CTNNA3: variants seen among roughly 807,000 people sequenced by gnomAD.
CTNNA3 encodes the protein catenin alpha-3.
A neutral mutation model predicts 95.7 loss-of-function variants in CTNNA3; 76 were observed. The observed-to-expected ratio is 0.79, with a 90% confidence interval of 0.66 to 0.96. The LOEUF (loss-of-function observed/expected upper bound fraction) is 0.96, where lower values mean the gene tolerates loss of function less well. Among genes scored for constraint, CTNNA3 ranks in the 40% least tolerant of loss-of-function variants. The pLI, the probability that CTNNA3 is intolerant of heterozygous loss-of-function variation, is 0.00. For missense variants in CTNNA3, 1,191 were observed against 1,089.8 expected, an observed-to-expected ratio of 1.09 and a Z score of -1.31; for synonymous variants, 431 against 374.4, an observed-to-expected ratio of 1.15 and a Z score of -1.74.
chr10:67,448,405 C>A (rs1415257084), intron 5 of CTNNA3, among the ~76,000 whole-genome samples: 2 of 151,612 alleles, frequency 1.3e-5, no homozygotes, highest in Non-Finnish European at 2.9e-5. Context: ...TAAGATAATT[C>A]TAAAAAGAAA....
chr10:66,106,769 C>A (rs1482243754), intron 13 of CTNNA3, among the ~76,000 whole-genome samples: 1 of 152,028 alleles, frequency 6.6e-6, no homozygotes, highest in Non-Finnish European at 1.5e-5. Context: ...ATTTTAATCA[C>A]CTTTATTCCA....
At chr10:66,935,788 C>T (rs1847663443) in intron 7 of CTNNA3, among the ~76,000 whole-genome samples, 1 of 148,044 alleles carries the variant, frequency 6.8e-6, no homozygotes, top group Non-Finnish European at 1.5e-5. Context: ...AGATAGTTTT[C>T]CTTAAAATAT....
chr10:67,712,868 G>A (rs770485723), intron 1 of CTNNA3, among the ~76,000 whole-genome samples: 1 of 152,096 alleles, frequency 6.6e-6, no homozygotes, highest in Non-Finnish European at 1.5e-5. Context: ...CAGGACATAG[G>A]CATGAGCAAA....
intron 1 of CTNNA3, among the ~76,000 whole-genome samples, chr10:67,675,366 G>A (rs1298567977): frequency 6.6e-6 from 1 of 152,128 alleles, no homozygotes; most frequent in Non-Finnish European, 1.5e-5. Context: ...CTAAAGATTG[G>A]CTAATTCAGA....
chr10:67,427,128 A>AT (rs1469619430), intron 5 of CTNNA3, among the ~76,000 whole-genome samples: 2 of 152,020 alleles, frequency 1.3e-5, no homozygotes, highest in African/African-American at 4.8e-5. Flanking sequence ...CTGATTCTTT[A>AT]TGGGTACCAG....
chr10:66,584,434 A>T (rs1843293886), intron 10 of CTNNA3, among the ~76,000 whole-genome samples: 1 of 151,684 alleles, frequency 6.6e-6, no homozygotes, highest in Non-Finnish European at 1.5e-5. Context: ...TTACATAATG[A>T]CCTTCTTTGT....
chr10:67,149,373 C>T (rs974088178), intron 7 of CTNNA3, among the ~76,000 whole-genome samples: 2 of 152,092 alleles, frequency 1.3e-5, no homozygotes, highest in Non-Finnish European at 2.9e-5. Flanking sequence ...ATCATGAGGT[C>T]AGGAGATTGA....
intron 13 of CTNNA3, among the ~76,000 whole-genome samples, chr10:66,258,264 T>C (rs1219076120): frequency 2.0e-5 from 3 of 152,174 alleles, no homozygotes; most frequent in African/African-American, 4.8e-5. Context: ...CCTTCTAAGG[T>C]ACAAATATTC....
intron 7 of CTNNA3, among the ~76,000 whole-genome samples, chr10:67,021,636 CTAT>C: frequency 6.6e-6 from 1 of 152,046 alleles, no homozygotes; most frequent in South Asian, 2.1e-4. Context: ...TGTATCTATA[CTAT>C]TATTGCAACT....
intron 1 of CTNNA3, among the ~76,000 whole-genome samples, chr10:67,713,605 TA>T (rs1841125231): frequency 6.6e-6 from 1 of 152,104 alleles, no homozygotes; most frequent in Non-Finnish European, 1.5e-5. Flanking sequence ...TATGTAGCCA[TA>T]AAAAAAGAAT....
At chr10:66,225,154 A>G (rs2089203258) in intron 13 of CTNNA3, among the ~76,000 whole-genome samples, 1 of 151,708 alleles carries the variant, frequency 6.6e-6, no homozygotes, top group African/African-American at 2.4e-5. Flanking sequence ...TATTGCATCT[A>G]GCTGTAATTT....
chr10:67,501,480 T>C (rs2133104072), intron 5 of CTNNA3, among the ~76,000 whole-genome samples: 1 of 152,358 alleles, frequency 6.6e-6, no homozygotes, highest in East Asian at 1.9e-4. Context: ...TGTGGTGTTC[T>C]CTGTATATCC....
At chr10:66,289,806 T>C (rs1393044880) in intron 12 of CTNNA3, among the ~76,000 whole-genome samples, 2 of 152,042 alleles carry the variant, frequency 1.3e-5, no homozygotes, top group Non-Finnish European at 2.9e-5. Context: ...TTAAAGTAGT[T>C]ATAGAAATCC....
intron 12 of CTNNA3, among the ~76,000 whole-genome samples, chr10:66,289,562 G>C (rs921877112): frequency 6.6e-6 from 1 of 151,668 alleles, no homozygotes; most frequent in Non-Finnish European, 1.5e-5. Flanking sequence ...GTGAGAGTTT[G>C]GTGAACTGAA....
rs1564985016 is a variant in CTNNA3 at position 67,219,804 on chromosome 10, GAGAGTTCTCCTTC to G, written c.633_645del (p.Lys212ProfsTer36). ...GCTGAACAAATTGAATGCAAGAGGGGAGAGTTCTCCTTCAGTGAAGCTCGGGCTCCTGCAATTT... is the reference window on the plus strand; with the variant it reads ...GCTGAACAAATTGAATGCAAGAGGGGAGTGAAGCTCGGGCTCCTGCAATTT... On this transcript the variant is annotated frameshift_variant, in exon 6 of 18. Coordinates refer to ENST00000433211, the MANE Select transcript of CTNNA3 (RefSeq NM_013266.4). LOFTEE classifies it high-confidence loss of function. The G allele has an allele frequency of 1.2e-6, 2 of 1,613,922 alleles. No homozygotes were observed. Among genetic ancestry groups the G allele is most frequent in the East Asian group, 2.2e-5 (1 of 44,874 alleles).
intron 11 of CTNNA3, among the ~76,000 whole-genome samples, chr10:66,503,189 T>C (rs1258008183): frequency 6.6e-6 from 1 of 152,192 alleles, no homozygotes; most frequent in Non-Finnish European, 1.5e-5. Context: ...ATTTAAAATA[T>C]GTAATTTATT....
chr10:66,004,264 C>T (rs548558976), intron 15 of CTNNA3, among the ~76,000 whole-genome samples: 2 of 152,294 alleles, frequency 1.3e-5, no homozygotes, highest in East Asian at 1.9e-4. Context: ...AGCCGTTGTT[C>T]TAAGTGGGTC....
rs151069922 is a variant in CTNNA3, at chr10:67,219,656, G to A, written c.794C>T (p.Pro265Leu). The change falls in exon 6 of 18, where the codon CCA becomes CTA. Residue 265 changes from proline (P) to leucine (L), a missense_variant. Coordinates refer to ENST00000433211, the MANE Select transcript of CTNNA3 (RefSeq NM_013266.4). Reference protein sequence around the residue: ...ASQGIQNMTTPPEPQAATLGS... With the variant: ...ASQGIQNMTTLPEPQAATLGS... The stretch of plus-strand genomic sequence containing the variant: ...CAGGGTTGCTGCCTGAGGTTCTGGT[G>A]GGGTTGTCATATTCTGGATCCCTTG... 58 of 1,613,920 alleles carry A rather than the reference G, an allele frequency of 3.6e-5. No individual in the cohort carries two copies. The highest frequency in any genetic ancestry group is 4.4e-5 in the Non-Finnish European group (52 of 1,179,980).
chr10:67,055,238 T>C (rs1032690103), intron 7 of CTNNA3, among the ~76,000 whole-genome samples: 1 of 152,232 alleles, frequency 6.6e-6, no homozygotes, highest in Non-Finnish European at 1.5e-5. Flanking sequence ...GTTTGTTTTT[T>C]ATCCCTTCCA....
Sources: gnomAD v4.1 joint callset for allele counts (sites outside exome capture counted in the v4.1 genomes callset) on GRCh38, gnomAD v4.1.1 for gene constraint, MANE v1.5 for transcripts, NCBI Gene and HGNC (gene_info 2026-07-23, HGNC 2026-07-21) for gene names.